The following MIPOL1 variants were observed in gnomAD, a reference collection of about 807,000 sequenced individuals.
MIPOL1 encodes the protein mirror-image polydactyly 1.
A neutral mutation model predicts 60.9 loss-of-function variants in MIPOL1; 57 were observed. That is an observed-to-expected ratio of 0.94 (90% CI 0.76 to 1.17). The LOEUF (loss-of-function observed/expected upper bound fraction) is 1.17. Ranked by LOEUF, MIPOL1 falls within the 50% of genes most tolerant of loss-of-function variation. The probability of loss-of-function intolerance (pLI) is 0.00; values close to 1 mark genes in which losing one functional copy is unlikely to be tolerated. For missense variants in MIPOL1, 551 were observed against 511.6 expected (o/e 1.08, Z -0.74); for synonymous variants, 179 against 168.8 (o/e 1.06, Z -0.47).
intron 9 of MIPOL1, among the ~76,000 whole-genome samples, chr14:37,357,092 AT>A (rs1305640259): frequency 1.3e-5 from 2 of 152,230 alleles, no homozygotes; most frequent in African/African-American, 4.8e-5. Flanking sequence ...TCTCTTCAAT[AT>A]ACTGATTTCC....
chr14:37,198,931 A>G (rs1163882747), intron 1 of MIPOL1, among the ~76,000 whole-genome samples: 1 of 152,198 alleles, frequency 6.6e-6, no homozygotes, highest in Non-Finnish European at 1.5e-5. Flanking sequence ...TAAAATGACA[A>G]TTACATAATC....
At chr14:37,427,820 AAC>A (rs1272980811) in intron 11 of MIPOL1, among the ~76,000 whole-genome samples, 1 of 152,198 alleles carries the variant, frequency 6.6e-6, no homozygotes, top group African/African-American at 2.4e-5. Flanking sequence ...CTGTATGTGA[AAC>A]ACAACTAATT....
In MIPOL1 at chr14:37,348,694, A is replaced by ACCT. The variant is rs139108192; in HGVS notation, c.829-20820_829-20818dup. On this transcript the variant is annotated intron_variant, in intron 9 of 12. Transcript: ENST00000684589. ...CCACTAAAAGGAAAATTTTCTTATT[A>ACCT]CCTCCACTTCTACCATCCTAGTCTG... Among the ~76,000 whole-genome samples the ACCT allele has an allele frequency of 9.8e-4, 149 of 151,878 alleles. 1 individual carries two copies. The highest frequency in any genetic ancestry group is 3.5e-3 in the African/African-American group (147 of 41,434).
At chr14:37,316,868 C>G (rs1254265610) in intron 9 of MIPOL1, among the ~76,000 whole-genome samples, 1 of 151,996 alleles carries the variant, frequency 6.6e-6, no homozygotes, top group Non-Finnish European at 1.5e-5. Flanking sequence ...ATCCCAGCTA[C>G]TTGGGAGGCT....
chr14:37,535,447 T>C (rs114848041), intron 12 of MIPOL1, among the ~76,000 whole-genome samples: 1 of 152,206 alleles, frequency 6.6e-6, no homozygotes, highest in African/African-American at 2.4e-5. Flanking sequence ...ACAAGCTTAA[T>C]GCAGCATGGT....
chr14:37,308,357 G>A lies in MIPOL1; in HGVS notation c.666G>A (p.Gln222=). The A allele has an allele frequency of 6.5e-7, 1 of 1,548,864 alleles. No individual in the cohort carries two copies. The highest frequency in any genetic ancestry group is 1.3e-5 in the South Asian group (1 of 77,584). ...INPEENDMTL[Q]ELLNRINNAD... Reference sequence around the variant, plus strand: ...TATAATGGTGTTGGTAGACATTACAGGAATTACTGAACAGAATAAACAATG... The same window carrying A: ...TATAATGGTGTTGGTAGACATTACAAGAATTACTGAACAGAATAAACAATG... The change falls in exon 9 of 13, where the codon CAG becomes CAA. Residue 222 remains glutamine, a synonymous_variant. Transcript: ENST00000684589.
At chr14:37,264,198 G>C (rs1406182929) in intron 3 of MIPOL1, among the ~76,000 whole-genome samples, 2 of 152,096 alleles carry the variant, frequency 1.3e-5, no homozygotes, top group African/African-American at 4.8e-5. Context: ...TACTAATTCA[G>C]AAATAAATTT....
At chr14:37,203,957 T>C (rs977537909) in intron 1 of MIPOL1, among the ~76,000 whole-genome samples, 1 of 152,124 alleles carries the variant, frequency 6.6e-6, no homozygotes, top group African/African-American at 2.4e-5. Flanking sequence ...TAATTTTTTA[T>C]ATTTTTAGTA....
At chr14:37,269,636 G>T (rs2083140704) in intron 5 of MIPOL1, among the ~76,000 whole-genome samples, 1 of 152,094 alleles carries the variant, frequency 6.6e-6, no homozygotes, top group Non-Finnish European at 1.5e-5. Flanking sequence ...AATGGAATAT[G>T]ATGGGGTAGT....
intron 11 of MIPOL1, among the ~76,000 whole-genome samples, chr14:37,444,874 A>G (rs1353942065): frequency 6.6e-6 from 1 of 152,204 alleles, no homozygotes. Flanking sequence ...AAAATTCAAC[A>G]ACGCTTCATG....
chr14:37,200,664 G>GTT (rs559596328), intron 1 of MIPOL1, among the ~76,000 whole-genome samples: 6,766 of 111,120 alleles, frequency 0.061, 730 homozygotes, highest in African/African-American at 0.21. Flanking sequence ...TTCCCAGTTA[G>GTT]TTTTTTTTTT....
At chr14:37,202,695 G>A (rs975282417) in intron 1 of MIPOL1, among the ~76,000 whole-genome samples, 2 of 152,170 alleles carry the variant, frequency 1.3e-5, no homozygotes, top group Admixed American at 1.3e-4. Context: ...TAGTAAGGAT[G>A]TATTTGTGAG....
In MIPOL1 at chr14:37,292,123, C is replaced by T. The variant is rs111894446; in HGVS notation, c.623+6676C>T. 1.4e-3 allele frequency among the ~76,000 whole-genome samples: 208 copies of T among 151,598 alleles called. 1 individual carries two copies. Among genetic ancestry groups the T allele is most frequent in the African/African-American group, 4.7e-3 (194 of 41,318 alleles). ...TGTATTTTTAGTAGAGACGGGGTTTCGCTGTATTAGCCAGGATGGTCTCTA... is the reference window on the plus strand; with the variant it reads ...TGTATTTTTAGTAGAGACGGGGTTTTGCTGTATTAGCCAGGATGGTCTCTA... On this transcript the variant is annotated intron_variant, in intron 7 of 12. Coordinates refer to ENST00000684589, the MANE Select transcript of MIPOL1 (RefSeq NM_001388067.1).
chr14:37,205,102 GT>G (rs1393155301), intron 1 of MIPOL1, among the ~76,000 whole-genome samples: 1 of 151,648 alleles, frequency 6.6e-6, no homozygotes, highest in Non-Finnish European at 1.5e-5. Flanking sequence ...GATGGAATAA[GT>G]TTTTTGTTTT....
chr14:37,485,279 G>C (rs1318160378), intron 11 of MIPOL1, among the ~76,000 whole-genome samples: 1 of 152,140 alleles, frequency 6.6e-6, no homozygotes, highest in East Asian at 1.9e-4. Flanking sequence ...TGTGAACAGT[G>C]CCGCAGTAAA....
chr14:37,393,068 A>G (rs1031130052), intron 10 of MIPOL1, among the ~76,000 whole-genome samples: 1 of 152,264 alleles, frequency 6.6e-6, no homozygotes, highest in African/African-American at 2.4e-5. Flanking sequence ...CAAAAGACAC[A>G]GGAAAAAAAG....
chr14:37,397,200 G>A (rs749396648), intron 10 of MIPOL1, among the ~76,000 whole-genome samples: 10 of 152,136 alleles, frequency 6.6e-5, no homozygotes, highest in African/African-American at 9.7e-5. Context: ...CTTTTCCTAT[G>A]GATGTGGCTT....
At chr14:37,448,493 G>T (rs1195816791) in intron 11 of MIPOL1, among the ~76,000 whole-genome samples, 3 of 152,112 alleles carry the variant, frequency 2.0e-5, no homozygotes, top group African/African-American at 4.8e-5. Context: ...AATTCTTTTT[G>T]CTTGCCAAAC....
intron 11 of MIPOL1, among the ~76,000 whole-genome samples, chr14:37,498,328 A>C (rs2095164498): frequency 2.0e-5 from 3 of 152,226 alleles, no homozygotes; most frequent in African/African-American, 7.2e-5. Flanking sequence ...ATTAACAATT[A>C]AAATATAACT....
Sources: gnomAD v4.1 joint callset for allele counts (sites outside exome capture counted in the v4.1 genomes callset) on GRCh38, gnomAD v4.1.1 for gene constraint, MANE v1.5 for transcripts, NCBI Gene and HGNC (gene_info 2026-07-23, HGNC 2026-07-21) for gene names.